The following DYNC1I2 variants were observed in gnomAD, a reference collection of about 807,000 sequenced individuals.
The protein encoded by DYNC1I2 is cytoplasmic dynein 1 intermediate chain 2.
Under a neutral mutation model 88.6 loss-of-function variants are expected in DYNC1I2, and 53 were observed. The observed-to-expected ratio is 0.60, with a 90% CI of 0.48 to 0.75. The LOEUF (loss-of-function observed/expected upper bound fraction) is 0.75. DYNC1I2 is among the 30% of genes least tolerant of loss of function. DYNC1I2 has a pLI of 0.00. For synonymous variants in DYNC1I2, 198 were observed against 254.6 expected (o/e 0.78, Z 2.12); for missense variants, 458 against 766.6 (o/e 0.60, Z 4.75).
At chr2:171,701,558 T>C (rs1014143829) in intron 3 of DYNC1I2, among the ~76,000 whole-genome samples, 2 of 152,208 alleles carry the variant, frequency 1.3e-5, no homozygotes, top group African/African-American at 4.8e-5. Context: ...AAAGATACCA[T>C]TAAACTTCAT....
chr2:171,709,401 T>C (rs555992255), intron 5 of DYNC1I2, among the ~76,000 whole-genome samples: 2 of 152,310 alleles, frequency 1.3e-5, no homozygotes, highest in East Asian at 3.9e-4. Context: ...AGAACAAATA[T>C]TAAGTTACCA....
At chr2:171,699,622 G>A (rs1187187952) in intron 3 of DYNC1I2, among the ~76,000 whole-genome samples, 3 of 151,440 alleles carry the variant, frequency 2.0e-5, no homozygotes, top group Non-Finnish European at 4.4e-5. Context: ...GTGTGTGTGT[G>A]TGTGTGTGTG....
chr2:171,726,983 C>T, intron 11 of DYNC1I2, 67 bp downstream of exon 11: 1 of 1,425,016 alleles, frequency 7.0e-7, no homozygotes, highest in Non-Finnish European at 9.3e-7. Context: ...AGACAAGTGC[C>T]TTTTTTCTTT....
intron 17 of DYNC1I2, among the ~76,000 whole-genome samples, chr2:171,746,721 C>T (rs1412571226): frequency 4.6e-5 from 7 of 152,098 alleles, no homozygotes; most frequent in African/African-American, 1.2e-4. Flanking sequence ...ACTACAACTG[C>T]GTAACTGAAT....
chr2:171,732,531 G>A (rs758732615), intron 15 of DYNC1I2, among the ~76,000 whole-genome samples: 5 of 152,150 alleles, frequency 3.3e-5, no homozygotes, highest in Non-Finnish European at 7.4e-5. Flanking sequence ...GGTAAAACTG[G>A]TTTTGTTTTA....
chr2:171,709,423 A>G (rs940262884), intron 5 of DYNC1I2, among the ~76,000 whole-genome samples: 3 of 152,196 alleles, frequency 2.0e-5, no homozygotes, highest in Non-Finnish European at 4.4e-5. Context: ...CTTTATTAAA[A>G]TACTATGGTT....
intron 3 of DYNC1I2, among the ~76,000 whole-genome samples, chr2:171,693,817 T>G (rs1459646091): frequency 6.6e-6 from 1 of 152,228 alleles, no homozygotes; most frequent in African/African-American, 2.4e-5. Context: ...TATATTAATT[T>G]TATGTATTTA....
chr2:171,706,511 A>G (rs758469535), intron 3 of DYNC1I2, 36 bp from the exon 4 acceptor site: 5 of 1,586,462 alleles, frequency 3.2e-6, no homozygotes, highest in Non-Finnish European at 4.3e-6. Context: ...GATTAAGAAT[A>G]TTTTGGGTGT....
intron 6 of DYNC1I2, among the ~76,000 whole-genome samples, chr2:171,714,429 T>C (rs1252393951): frequency 3.3e-5 from 5 of 152,170 alleles, no homozygotes; most frequent in African/African-American, 1.2e-4. Context: ...TTCTGAAAGT[T>C]GCAGCAGTGT....
At chr2:171,688,501 C>T (rs1471739359) in intron 1 of DYNC1I2, 2 of 152,128 alleles carry the variant, frequency 1.3e-5, no homozygotes, top group Non-Finnish European at 2.9e-5. Context: ...ATGTGCCTAG[C>T]GTAGCATACA....
chr2:171,720,083 T>C (rs1687804977), intron 7 of DYNC1I2, among the ~76,000 whole-genome samples: 1 of 150,820 alleles, frequency 6.6e-6, no homozygotes, highest in Non-Finnish European at 1.5e-5. Context: ...GAAAAAGAAA[T>C]CCTGAAGGTT....
Position 171,749,211 on chromosome 2 carries a change from A to G in DYNC1I2, c.*1322A>G, listed in dbSNP as rs944592618. ...CCCAAACTCTGATTCTTGCTGAAGC[A>G]TCTATGAGAAGTGTGATTTTAGCCA... is the stretch of plus-strand genomic sequence containing the variant. On this transcript the variant is annotated 3_prime_UTR_variant, in exon 18 of 18. Transcript: ENST00000397119. Among the ~76,000 whole-genome samples, 1 of 152,156 alleles carries G rather than the reference A, an allele frequency of 6.6e-6. No individual in the cohort carries two copies. Among genetic ancestry groups the G allele is most frequent in the African/African-American group, 2.4e-5 (1 of 41,456 alleles).
intron 14 of DYNC1I2, among the ~76,000 whole-genome samples, chr2:171,729,219 A>G (rs1438830282): frequency 6.6e-6 from 1 of 152,162 alleles, no homozygotes; most frequent in Non-Finnish European, 1.5e-5. Flanking sequence ...GCATTAGTTC[A>G]TTCTCCTGAT....
chr2:171,716,111 C>T (rs1553586633), intron 7 of DYNC1I2, among the ~76,000 whole-genome samples: 1 of 145,114 alleles, frequency 6.9e-6, no homozygotes, highest in African/African-American at 2.5e-5. Flanking sequence ...TTATATCATA[C>T]AAAAAAAAAA....
In DYNC1I2 at chr2:171,729,728, A is replaced by G. The variant is rs759094300; in HGVS notation, c.1411A>G (p.Met471Val). Residue 471 changes from methionine to valine, a missense_variant, in exon 15 of 18, where the codon ATG becomes GTG. Coordinates refer to ENST00000397119, the MANE Select transcript of DYNC1I2 (RefSeq NM_001378.3). Reference sequence around the variant, plus strand: ...AATTAGCAAAGCTGGAATCAGTGAGATGTTTGAGGGGCATCAAGGACCAAT... The same window carrying G: ...AATTAGCAAAGCTGGAATCAGTGAGGTGTTTGAGGGGCATCAAGGACCAAT... ...RHGSKAGISE[M>V]FEGHQGPITG... The G allele has an allele frequency of 2.2e-5, 36 of 1,612,674 alleles. No individual in the cohort carries two copies. In the South Asian group the frequency reaches 2.9e-4, roughly 13 times the overall value.
rs1390577846 is a variant in DYNC1I2 at position 171,726,185 on chromosome 2, T to C, written c.771-9T>C. 6 of 1,603,220 alleles carry C rather than the reference T, an allele frequency of 3.7e-6. No homozygotes were observed. The highest frequency in any genetic ancestry group is 5.1e-6 in the Non-Finnish European group (6 of 1,176,194). On this transcript the variant is annotated splice_polypyrimidine_tract_variant and intron_variant, in intron 9 of 17. Coordinates refer to ENST00000397119, the MANE Select transcript of DYNC1I2 (RefSeq NM_001378.3). ...CCATCTTTTTGGGGGGTTTGGTCTT[T>C]TTTTGTAGAGAGATTCAAGCAGGTG...
At chr2:171,726,382 A>G (rs1035883773) in intron 10 of DYNC1I2, 89 bp downstream of exon 10, 4 of 856,278 alleles carry the variant, frequency 4.7e-6, no homozygotes, top group Admixed American at 3.1e-5. Flanking sequence ...AATTTTGTAT[A>G]ATAAATCAAT....
At chr2:171,724,472 T>C (rs1321972806) in intron 7 of DYNC1I2, among the ~76,000 whole-genome samples, 1 of 152,200 alleles carries the variant, frequency 6.6e-6, no homozygotes, top group Non-Finnish European at 1.5e-5. Context: ...ATTGCCACCT[T>C]GTAGCAGAAA....
chr2:171,712,641 C>T, intron 5 of DYNC1I2, 126 bp from the exon 6 acceptor site: 3 of 633,870 alleles, frequency 4.7e-6, no homozygotes, highest in Non-Finnish European at 8.0e-6. Flanking sequence ...TTTTTTAATA[C>T]TAACCAGAAC....
Sources: allele counts gnomAD v4.1 joint callset (sites outside exome capture counted in the v4.1 genomes callset), GRCh38; gene constraint gnomAD v4.1.1; transcripts MANE v1.5; gene names NCBI Gene and HGNC (gene_info 2026-07-23, HGNC 2026-07-21).